Variants in LAMA2 observed in about 807,000 individuals in gnomAD.
LAMA2 encodes laminin subunit alpha-2.
LAMA2 carries 269 observed loss-of-function variants against 364.8 expected under a neutral mutation model. The observed-to-expected ratio is 0.74, with a 90% CI of 0.67 to 0.82. The LOEUF (loss-of-function observed/expected upper bound fraction) is 0.82, where lower values mean the gene tolerates loss of function less well. Among genes scored for constraint, LAMA2 ranks in the 40% least tolerant of loss-of-function variants. The pLI, the probability that LAMA2 is intolerant of heterozygous loss-of-function variation, is 0.00. For missense variants in LAMA2, 3,807 were observed against 3,873.2 expected, an observed-to-expected ratio of 0.98 and a Z score of 0.45; for synonymous variants, 1,379 against 1,370.6, an observed-to-expected ratio of 1.01 and a Z score of -0.14.
chr6:129,085,001 G>C (rs541154405), intron 3 of LAMA2, among the ~76,000 whole-genome samples: 2 of 152,094 alleles, frequency 1.3e-5, no homozygotes, highest in Non-Finnish European at 2.9e-5. Context: ...AGATCTTCCT[G>C]CTTTACCATT....
At chr6:129,055,981 C>T (rs952867003) in intron 2 of LAMA2, among the ~76,000 whole-genome samples, 1 of 152,198 alleles carries the variant, frequency 6.6e-6, no homozygotes, top group Non-Finnish European at 1.5e-5. Flanking sequence ...TGATTCATCT[C>T]CCAGTCCTCC....
At chr6:129,323,924 C>G (rs1775116968) in intron 28 of LAMA2, among the ~76,000 whole-genome samples, 1 of 152,182 alleles carries the variant, frequency 6.6e-6, no homozygotes, top group South Asian at 2.1e-4. Flanking sequence ...CACTCAGAAG[C>G]TGTCCCTTGT....
intron 37 of LAMA2, among the ~76,000 whole-genome samples, chr6:129,395,876 G>A (rs1779587183): frequency 6.6e-6 from 1 of 152,172 alleles, no homozygotes; most frequent in Admixed American, 6.5e-5. Context: ...GACATTTTGG[G>A]GGAAAGTTCA....
In LAMA2 at chr6:128,883,193, G is replaced by A; in HGVS notation, c.-53G>A. 1 of 1,509,874 alleles carries A rather than the reference G, an allele frequency of 6.6e-7. No individual in the cohort carries two copies. Among genetic ancestry groups the A allele is most frequent in the South Asian group, 1.2e-5 (1 of 83,292 alleles). The allele number at this position is 1,509,874 out of a possible 1,614,324, so 93.5% of individuals were successfully genotyped here. On this transcript the variant is annotated 5_prime_UTR_variant, in exon 1 of 65. Transcript: ENST00000421865. ...TCACAAGCCAAGGCCAGGGGACAGG[G>A]CGGCAGCGACTCCTCTGGCTCCCGA... is the stretch of plus-strand genomic sequence containing the variant.
At chr6:129,077,629 C>G (rs1370714803) in intron 3 of LAMA2, among the ~76,000 whole-genome samples, 1 of 152,052 alleles carries the variant, frequency 6.6e-6, no homozygotes, top group Non-Finnish European at 1.5e-5. Context: ...TTATTTTGTT[C>G]GAATATGTAT....
At chr6:129,140,633 A>T (rs1289735005) in intron 4 of LAMA2, among the ~76,000 whole-genome samples, 1 of 152,044 alleles carries the variant, frequency 6.6e-6, no homozygotes, top group African/African-American at 2.4e-5. Context: ...GTCACCCCAT[A>T]GGAAATCAGG....
intron 43 of LAMA2, chr6:129,442,829 A>G (rs1196321531): frequency 3.7e-6 from 2 of 539,038 alleles, no homozygotes; most frequent in African/African-American, 3.9e-5. Flanking sequence ...TCTGTTTTCT[A>G]TCTTACTAAA....
In LAMA2 at chr6:129,190,279, C is replaced by T. The variant is rs2115033554; in HGVS notation, c.1542C>T (p.Gly514=). ...FFNLQEDNWK[G]CDECFCSGVS... ...ATTTGCAAGAGGATAATTGGAAAGGCTGCGATGAGTGTTTCTGTTCAGGGG... is the reference window on the plus strand; with the variant it reads ...ATTTGCAAGAGGATAATTGGAAAGGTTGCGATGAGTGTTTCTGTTCAGGGG... The change falls in exon 11 of 65, where the codon GGC becomes GGT. Residue 514 remains glycine, a synonymous_variant. Transcript: ENST00000421865. 1.2e-6 allele frequency: 2 copies of T among 1,613,694 alleles called. No homozygotes were observed. Among genetic ancestry groups the T allele is most frequent in the South Asian group, 1.1e-5 (1 of 91,080 alleles).
chr6:129,505,555 C>T (rs903739126), intron 61 of LAMA2, among the ~76,000 whole-genome samples, 200 bp downstream of exon 61: 6 of 152,116 alleles, frequency 3.9e-5, no homozygotes, highest in Non-Finnish European at 8.8e-5. Context: ...GTCGCCCAGG[C>T]TGGAGTGCAG....
intron 3 of LAMA2, among the ~76,000 whole-genome samples, chr6:129,065,514 T>A (rs1789236677): frequency 6.6e-6 from 1 of 152,076 alleles, no homozygotes; most frequent in Non-Finnish European, 1.5e-5. Context: ...AAACCCTGAC[T>A]CCACCAAAAT....
chr6:129,041,840 C>T (rs1487159107), intron 1 of LAMA2, among the ~76,000 whole-genome samples: 2 of 151,200 alleles, frequency 1.3e-5, no homozygotes, highest in African/African-American at 4.9e-5. Context: ...ATGTCTCTAC[C>T]AAAAAAAAGT....
chr6:128,908,806 A>G (rs1281201603), intron 1 of LAMA2, among the ~76,000 whole-genome samples: 2 of 149,774 alleles, frequency 1.3e-5, no homozygotes, highest in African/African-American at 2.5e-5. Flanking sequence ...CACTGCTTTG[A>G]ATGTGTCCCA....
intron 12 of LAMA2, among the ~76,000 whole-genome samples, chr6:129,246,121 C>T (rs1290344130): frequency 6.6e-6 from 1 of 152,140 alleles, no homozygotes; most frequent in African/African-American, 2.4e-5. Flanking sequence ...ACCAGAATCA[C>T]TTACTGATGG....
rs144924560 is a variant in LAMA2 at position 129,138,593 on chromosome 6, G to A, written c.640-5308G>A. Among the ~76,000 whole-genome samples, 765 of 152,066 alleles carry A rather than the reference G, an allele frequency of 5.0e-3. 6 individuals are homozygous for A. The highest frequency in any genetic ancestry group is 0.018 in the African/African-American group (739 of 41,506). ...TTTATCCAGTATATTTGAATTACCC[G>A]TGCATTACTGTTTCATATATTCATG... On this transcript the variant is annotated intron_variant, in intron 4 of 64. Transcript: ENST00000421865.
At chr6:129,457,769 A>G (rs1783046041) in intron 48 of LAMA2, among the ~76,000 whole-genome samples, 1 of 152,106 alleles carries the variant, frequency 6.6e-6, no homozygotes, top group South Asian at 2.1e-4. Context: ...ATTTCTCACA[A>G]TTCTTGAAGC....
chr6:128,903,309 G>A (rs1303269801), intron 1 of LAMA2, among the ~76,000 whole-genome samples: 1 of 152,024 alleles, frequency 6.6e-6, no homozygotes, highest in Non-Finnish European at 1.5e-5. Flanking sequence ...ACAATAAGTG[G>A]GTTCCAGAAT....
At chr6:129,195,465 A>G (rs1308485392) in intron 12 of LAMA2, among the ~76,000 whole-genome samples, 1 of 152,188 alleles carries the variant, frequency 6.6e-6, no homozygotes, top group African/African-American at 2.4e-5. Context: ...AAGTGATTAT[A>G]AGTGTATGTG....
chr6:129,081,164 G>A (rs1001209801), intron 3 of LAMA2, among the ~76,000 whole-genome samples: 11 of 151,076 alleles, frequency 7.3e-5, no homozygotes, highest in African/African-American at 2.7e-4. Flanking sequence ...AACACCGCAT[G>A]TTCTCACTCA....
Position 129,066,047 on chromosome 6 carries a change from T to TTTTTTTTTTTTTTA in LAMA2, c.396+6164_396+6165insATTTTTTTTTTTTT. Among the ~76,000 whole-genome samples the TTTTTTTTTTTTTTA allele has an allele frequency of 2.4e-5, 2 of 81,948 alleles. 1 individual carries two copies. Among genetic ancestry groups the TTTTTTTTTTTTTTA allele is most frequent in the Non-Finnish European group, 5.0e-5 (2 of 40,330 alleles). 53.8% of individuals were successfully genotyped at this position (81,948 alleles called of 152,430 possible). On this transcript the variant is annotated intron_variant, in intron 3 of 64. Coordinates refer to ENST00000421865, the MANE Select transcript of LAMA2 (RefSeq NM_000426.4). The stretch of plus-strand genomic sequence containing the variant: ...AATTGCCCAGTCTCAGGTTTTTTTT[T>TTTTTTTTTTTTTTA]TTTTTTTTTTTTTTTTGAGACGCAG...
Sources: allele counts gnomAD v4.1 joint callset (sites outside exome capture counted in the v4.1 genomes callset), GRCh38; gene constraint gnomAD v4.1.1; transcripts MANE v1.5; gene names NCBI Gene and HGNC (gene_info 2026-07-23, HGNC 2026-07-21).